The following AMPH variants were observed in gnomAD, a reference collection of about 807,000 sequenced individuals.
AMPH encodes amphiphysin.
Under a neutral mutation model 99.1 loss-of-function variants are expected in AMPH, and 49 were observed. The observed-to-expected ratio is 0.49, with a 90% CI of 0.39 to 0.63. The LOEUF (loss-of-function observed/expected upper bound fraction) is 0.63. Among genes scored for constraint, AMPH ranks in the 20% least tolerant of loss-of-function variants. The probability of loss-of-function intolerance (pLI) is 0.00; values close to 1 mark genes in which losing one functional copy is unlikely to be tolerated. For missense variants in AMPH, 759 were observed against 863.4 expected (o/e 0.88, Z 1.52); for synonymous variants, 314 against 317.3 (o/e 0.99, Z 0.11).
At chr7:38,421,504 G>A (rs1238015391) in intron 16 of AMPH, among the ~76,000 whole-genome samples, 4 of 152,350 alleles carry the variant, frequency 2.6e-5, no homozygotes, top group Middle Eastern at 3.4e-3. Flanking sequence ...AAAGGCAAAA[G>A]TGTGACAATC....
chr7:38,580,513 C>A (rs1208238367), intron 1 of AMPH, among the ~76,000 whole-genome samples: 2 of 152,108 alleles, frequency 1.3e-5, no homozygotes, highest in African/African-American at 2.4e-5. Flanking sequence ...CCATATCAAG[C>A]CTGGGGTCGC....
In AMPH at chr7:38,417,887, G is replaced by A; in HGVS notation, c.1336C>T (p.Pro446Ser). The A allele has an allele frequency of 6.2e-7, 1 of 1,614,160 alleles. No individual in the cohort carries two copies. The highest frequency in any genetic ancestry group is 8.5e-7 in the Non-Finnish European group (1 of 1,180,000). ...KAEEPLAAVT[P>S]AVGLDLGMDT... is the part of the protein sequence containing the mutation. ...ATTCCAAGGTCCAGACCAACGGCAG[G>A]TGTGACAGCAGCCAGAGGCTCCTCT... is the stretch of plus-strand genomic sequence containing the variant. The change falls in exon 17 of 21, where the codon CCT becomes TCT. Residue 446 changes from proline (P) to serine (S), a missense_variant. Pro to Ser is a moderately conservative substitution (Grantham distance 74, BLOSUM62 -1). Around this residue, in one of 2 missense-constraint regions of AMPH, gnomAD observed 554 missense variants for 575.6 expected, o/e 0.96. Transcript: ENST00000356264.
intron 1 of AMPH, among the ~76,000 whole-genome samples, chr7:38,578,016 C>T (rs1286138065): frequency 2.0e-5 from 3 of 152,172 alleles, no homozygotes; most frequent in South Asian, 4.1e-4. Context: ...AGTGACAACA[C>T]ACGACTACAC....
intron 1 of AMPH, among the ~76,000 whole-genome samples, chr7:38,618,632 G>A (rs1246687180): frequency 1.3e-5 from 2 of 152,048 alleles, no homozygotes; most frequent in African/African-American, 2.4e-5. Flanking sequence ...AGCTACACAG[G>A]AGAAAAATGT....
intron 1 of AMPH, among the ~76,000 whole-genome samples, chr7:38,604,707 T>G (rs1227877694): frequency 1.3e-5 from 2 of 151,848 alleles, no homozygotes; most frequent in African/African-American, 4.8e-5. Flanking sequence ...TCTACCCTGT[T>G]ATAAAAGCTC....
chr7:38,411,156 G>C (rs985259479), intron 17 of AMPH, among the ~76,000 whole-genome samples: 1 of 152,090 alleles, frequency 6.6e-6, no homozygotes, highest in East Asian at 1.9e-4. Context: ...CTTTGTGTCC[G>C]TTTTCTTAAT....
chr7:38,436,464 A>G, intron 11 of AMPH, 76 bp from the exon 12 acceptor site: 1 of 1,050,060 alleles, frequency 9.5e-7, no homozygotes, highest in Non-Finnish European at 1.5e-6. Flanking sequence ...TAGCCCATGT[A>G]TACTCTCTCT....
At chr7:38,576,789 G>A (rs1210643118) in intron 1 of AMPH, among the ~76,000 whole-genome samples, 1 of 152,102 alleles carries the variant, frequency 6.6e-6, no homozygotes, top group African/African-American at 2.4e-5. Flanking sequence ...CTAGGCATGT[G>A]GTTACAAAGC....
At chr7:38,464,060 T>G (rs752157467) in intron 9 of AMPH, 171 of 1,289,526 alleles carry the variant, frequency 1.3e-4, no homozygotes, top group Non-Finnish European at 1.6e-4. Context: ...CAATCTAAGC[T>G]TAATAGAGAT....
At chr7:38,464,777 C>A (rs1787586670) in intron 9 of AMPH, among the ~76,000 whole-genome samples, 5 of 152,122 alleles carry the variant, frequency 3.3e-5, no homozygotes. Context: ...GGTCTTCTGA[C>A]TCCCAGCTCA....
intron 5 of AMPH, among the ~76,000 whole-genome samples, chr7:38,488,920 C>A (rs1253678116): frequency 6.6e-6 from 1 of 152,062 alleles, no homozygotes; most frequent in East Asian, 1.9e-4. Context: ...CCCATACTAC[C>A]CAAAGTGATC....
At chr7:38,502,448 G>A (rs149428441) in intron 3 of AMPH, among the ~76,000 whole-genome samples, 164 of 152,270 alleles carry the variant, frequency 1.1e-3, no homozygotes, top group African/African-American at 3.6e-3. Flanking sequence ...GTGGCCAACC[G>A]AGAGATTAAT....
At chr7:38,393,004 A>G (rs1233248984) in intron 18 of AMPH, among the ~76,000 whole-genome samples, 1 of 152,226 alleles carries the variant, frequency 6.6e-6, no homozygotes, top group Non-Finnish European at 1.5e-5. Context: ...GGGGAGTTTC[A>G]TCAGCAGAAC....
At chr7:38,558,878 A>T (rs1390738298) in intron 1 of AMPH, among the ~76,000 whole-genome samples, 1 of 152,186 alleles carries the variant, frequency 6.6e-6, no homozygotes, top group African/African-American at 2.4e-5. Context: ...ATTGGCACGT[A>T]TATAAGAAAC....
At chr7:38,568,136 G>A (rs894619322) in intron 1 of AMPH, among the ~76,000 whole-genome samples, 1 of 152,094 alleles carries the variant, frequency 6.6e-6, no homozygotes, top group Admixed American at 6.6e-5. Context: ...CCTTATTACT[G>A]TTGGGGTATT....
At chr7:38,434,199 T>C (rs1786166373) in intron 12 of AMPH, among the ~76,000 whole-genome samples, 1 of 152,160 alleles carries the variant, frequency 6.6e-6, no homozygotes, top group Admixed American at 6.5e-5. Flanking sequence ...TTGCCGTCAC[T>C]GCGGTGATAT....
At chr7:38,475,269 G>C (rs932342015) in intron 7 of AMPH, 62 bp downstream of exon 7, 16 of 1,026,116 alleles carry the variant, frequency 1.6e-5, no homozygotes, top group Non-Finnish European at 1.5e-6. Context: ...CAAGATAAGG[G>C]ATATTCACTG....
intron 1 of AMPH, among the ~76,000 whole-genome samples, chr7:38,557,998 C>T (rs968808877): frequency 4.2e-5 from 6 of 142,962 alleles, no homozygotes; most frequent in Non-Finnish European, 6.1e-5. Flanking sequence ...TAATGAAGCC[C>T]TGTATCAAAA....
intron 11 of AMPH, among the ~76,000 whole-genome samples, chr7:38,439,146 T>A (rs1786407337): frequency 6.6e-6 from 1 of 152,212 alleles, no homozygotes; most frequent in South Asian, 2.1e-4. Flanking sequence ...TGCTTCCCCA[T>A]AACCTTCTGC....
Sources: gnomAD v4.1 joint callset for allele counts (sites outside exome capture counted in the v4.1 genomes callset) on GRCh38, gnomAD v4.1.1 for gene constraint, gnomAD v4.1.1 regional missense constraint, MANE v1.5 for transcripts, NCBI Gene and HGNC (gene_info 2026-07-23, HGNC 2026-07-21) for gene names.